SNTG1: variants seen among roughly 807,000 people sequenced by gnomAD.
SNTG1 encodes gamma-1-syntrophin.
Under a neutral mutation model 74.7 loss-of-function variants are expected in SNTG1, and 39 were observed. That is an observed-to-expected ratio of 0.52 (90% CI 0.40 to 0.68). The LOEUF is 0.68. SNTG1 is among the 30% of genes least tolerant of loss of function. The pLI is 0.00. For missense variants in SNTG1, 685 were observed against 609.5 expected (o/e 1.12, Z -1.30); for synonymous variants, 254 against 217.1 (o/e 1.17, Z -1.49).
At chr8:50,024,828 G>T (rs1015504770) in intron 1 of SNTG1, among the ~76,000 whole-genome samples, 2 of 152,120 alleles carry the variant, frequency 1.3e-5, no homozygotes, top group Admixed American at 6.6e-5. Context: ...AGGGATTAGT[G>T]GGTGGGCAAG....
At chr8:50,227,921 C>A (rs117882042) in intron 2 of SNTG1, among the ~76,000 whole-genome samples, 63 of 136,148 alleles carry the variant, frequency 4.6e-4, no homozygotes, top group South Asian at 9.1e-4. Context: ...AAACAACAAC[C>A]AAAAAAAAAA....
chr8:50,088,760 A>G, intron 1 of SNTG1, among the ~76,000 whole-genome samples: 1 of 148,846 alleles, frequency 6.7e-6, no homozygotes, highest in Non-Finnish European at 1.5e-5. Flanking sequence ...AACAGAGGAT[A>G]CAAACAAATG....
intron 3 of SNTG1, among the ~76,000 whole-genome samples, chr8:50,398,899 C>T (rs181929791): frequency 6.6e-6 from 1 of 152,246 alleles, no homozygotes; most frequent in African/African-American, 2.4e-5. Context: ...CACTGCACTC[C>T]AGCCTGGGGC....
Position 50,569,227 on chromosome 8 carries a change from G to A in SNTG1, c.810+16048G>A, listed in dbSNP as rs1457372154. Among the ~76,000 whole-genome samples, 6 of 152,036 alleles carry A rather than the reference G, an allele frequency of 3.9e-5. No individual in the cohort carries two copies. In the East Asian group the frequency reaches 7.7e-4, roughly 20 times the overall value. On this transcript the variant is annotated intron_variant, in intron 12 of 18. Coordinates refer to ENST00000642720, the MANE Select transcript of SNTG1 (RefSeq NM_018967.5). The stretch of plus-strand genomic sequence containing the variant: ...TAGTATTTACCACATTGCTTAATAC[G>A]GAAGATGTATTAATTCTAAAGAAAA...
chr8:50,468,452 T>C (rs1164702516), intron 8 of SNTG1, among the ~76,000 whole-genome samples: 2 of 152,146 alleles, frequency 1.3e-5, no homozygotes, highest in South Asian at 2.1e-4. Context: ...GTAATTAATA[T>C]ATCTCCTCCA....
At chr8:50,619,054 T>C (rs1246971211) in intron 13 of SNTG1, among the ~76,000 whole-genome samples, 2 of 152,140 alleles carry the variant, frequency 1.3e-5, no homozygotes, top group Non-Finnish European at 1.5e-5. Context: ...CCTGCTATCA[T>C]TTTTATAAAA....
At chr8:49,998,661 T>C (rs1814466047) in intron 1 of SNTG1, among the ~76,000 whole-genome samples, 1 of 151,040 alleles carries the variant, frequency 6.6e-6, no homozygotes, top group Non-Finnish European at 1.5e-5. Flanking sequence ...GGATCATCAA[T>C]GTCACTGTCT....
At chr8:49,983,877 C>T (rs11783631) in intron 1 of SNTG1, among the ~76,000 whole-genome samples, 15,847 of 152,286 alleles carry the variant, frequency 0.1, 1,223 homozygotes, top group African/African-American at 0.2. Context: ...TGAGAAAATT[C>T]ATTCCCAGTG....
chr8:50,316,967 G>A (rs1229927728), intron 2 of SNTG1, among the ~76,000 whole-genome samples: 1 of 152,162 alleles, frequency 6.6e-6, no homozygotes, highest in East Asian at 1.9e-4. Context: ...ATGAGTTCAA[G>A]ATTTCACTGC....
At chr8:49,976,256 A>G (rs1375238674) in intron 1 of SNTG1, among the ~76,000 whole-genome samples, 1 of 152,192 alleles carries the variant, frequency 6.6e-6, no homozygotes, top group Non-Finnish European at 1.5e-5. Flanking sequence ...TAGGAAAATA[A>G]GTTTTTTTTG....
At chr8:50,213,113 A>G (rs1023285256) in intron 2 of SNTG1, among the ~76,000 whole-genome samples, 4 of 152,206 alleles carry the variant, frequency 2.6e-5, no homozygotes, top group African/African-American at 9.6e-5. Flanking sequence ...GAGTAGACAC[A>G]CATCATCACT....
At chr8:49,930,240 T>C (rs1217031253) in intron 1 of SNTG1, among the ~76,000 whole-genome samples, 1 of 133,792 alleles carries the variant, frequency 7.5e-6, no homozygotes, top group African/African-American at 2.9e-5. Flanking sequence ...ATACATAAAA[T>C]AGAAAACCAC....
intron 12 of SNTG1, among the ~76,000 whole-genome samples, chr8:50,583,258 C>G (rs543682271): frequency 6.6e-6 from 1 of 151,952 alleles, no homozygotes; most frequent in Admixed American, 6.6e-5. Context: ...CAAAAATTAT[C>G]AGGGCATGGT....
At chr8:49,918,821 G>T (rs566750575) in intron 1 of SNTG1, among the ~76,000 whole-genome samples, 53 of 152,112 alleles carry the variant, frequency 3.5e-4, no homozygotes, top group African/African-American at 1.2e-3. Flanking sequence ...TGCCTAATTG[G>T]TATTTGTATA....
intron 9 of SNTG1, among the ~76,000 whole-genome samples, chr8:50,519,306 A>G (rs778918058): frequency 2.6e-5 from 4 of 152,190 alleles, no homozygotes; most frequent in Non-Finnish European, 4.4e-5. Flanking sequence ...ATGTATCTCA[A>G]AATAACCAGA....
chr8:50,692,644 G>T (rs1358168969), intron 15 of SNTG1, among the ~76,000 whole-genome samples: 1 of 152,148 alleles, frequency 6.6e-6, no homozygotes, highest in East Asian at 1.9e-4. Context: ...GCCATGTGAG[G>T]TATCGGTCCA....
chr8:50,266,580 A>C (rs1475372981), intron 2 of SNTG1, among the ~76,000 whole-genome samples: 1 of 150,730 alleles, frequency 6.6e-6, no homozygotes, highest in Non-Finnish European at 1.5e-5. Context: ...AATATAAATA[A>C]ATTAATAAAA....
chr8:50,753,022 C>A (rs1362656835), intron 18 of SNTG1, among the ~76,000 whole-genome samples: 1 of 151,984 alleles, frequency 6.6e-6, no homozygotes, highest in Non-Finnish European at 1.5e-5. Flanking sequence ...TGTGTCGTTC[C>A]TACAGCGGGC....
At chr8:50,575,299 C>T (rs1473413901) in intron 12 of SNTG1, among the ~76,000 whole-genome samples, 1 of 152,180 alleles carries the variant, frequency 6.6e-6, no homozygotes, top group Non-Finnish European at 1.5e-5. Context: ...TTCACATTAA[C>T]TTTTCTACTG....
Sources: allele counts gnomAD v4.1 joint callset (sites outside exome capture counted in the v4.1 genomes callset), GRCh38; gene constraint gnomAD v4.1.1; transcripts MANE v1.5; gene names NCBI Gene and HGNC (gene_info 2026-07-23, HGNC 2026-07-21).